Variants in SORCS1 observed in about 807,000 individuals in gnomAD.
SORCS1 encodes the protein VPS10 domain-containing receptor SorCS1.
In SORCS1, 60 loss-of-function variants were observed where a neutral mutation model predicts 146.1. That is an observed-to-expected ratio of 0.41 (90% CI 0.33 to 0.51). The LOEUF (loss-of-function observed/expected upper bound fraction) is 0.51, where lower values mean the gene tolerates loss of function less well. Among genes scored for constraint, SORCS1 ranks in the 20% least tolerant of loss-of-function variants. SORCS1 has a pLI of 0.21. For synonymous variants in SORCS1, 637 were observed against 584.0 expected (o/e 1.09, Z -1.31); for missense variants, 1,352 against 1,487.6 (o/e 0.91, Z 1.50).
In SORCS1 at chr10:106,955,854, G is replaced by A. The variant is rs145677419; in HGVS notation, c.626+659C>T. On this transcript the variant is annotated intron_variant, in intron 2 of 25. Transcript: ENST00000263054. ...AAATATACAAAAAAATTAGCCAGGC[G>A]TGGTGGCGCATGCCTGTAATCCCAC... is the stretch of plus-strand genomic sequence containing the variant. Among the ~76,000 whole-genome samples, 960 of 152,264 alleles carry A rather than the reference G, an allele frequency of 6.3e-3. 7 individuals carry two copies. Among genetic ancestry groups the A allele is most frequent in the African/African-American group, 0.022 (911 of 41,556 alleles).
intron 1 of SORCS1, among the ~76,000 whole-genome samples, chr10:107,068,522 C>T (rs1962121841): frequency 6.6e-6 from 1 of 152,112 alleles, no homozygotes; most frequent in South Asian, 2.1e-4. Flanking sequence ...TTACTTCAGG[C>T]ATAAGTCGGC....
At chr10:106,607,380 G>T in intron 22 of SORCS1, 83 bp from the exon 23 acceptor site, 5 of 1,553,244 alleles carry the variant, frequency 3.2e-6, no homozygotes, top group Non-Finnish European at 4.3e-6. Flanking sequence ...GGGGGATCAG[G>T]GGTAGGCAGA....
At chr10:107,032,197 A>G (rs1234248482) in intron 1 of SORCS1, among the ~76,000 whole-genome samples, 1 of 152,184 alleles carries the variant, frequency 6.6e-6, no homozygotes, top group Non-Finnish European at 1.5e-5. Context: ...GTAGACACAC[A>G]TGTCCATTAG....
At chr10:107,009,687 C>T (rs1264644775) in intron 1 of SORCS1, among the ~76,000 whole-genome samples, 6 of 152,160 alleles carry the variant, frequency 3.9e-5, no homozygotes, top group African/African-American at 1.4e-4. Flanking sequence ...GATTTAAAAA[C>T]ATATATATAA....
the SORCS1 span, among the ~76,000 whole-genome samples, chr10:107,178,321 A>G: frequency 0.059 from 9,029 of 152,010 alleles, 523 homozygotes; most frequent in East Asian, 0.3. Flanking sequence ...GATAACTATA[A>G]TTCTACTCTC....
At chr10:107,105,053 A>C (rs571804100) in intron 1 of SORCS1, among the ~76,000 whole-genome samples, 1 of 152,334 alleles carries the variant, frequency 6.6e-6, no homozygotes, top group African/African-American at 2.4e-5. Flanking sequence ...AGTGCACGAA[A>C]ATTGTAATAC....
chr10:106,584,469 C>G (rs1396865891), intron 24 of SORCS1, among the ~76,000 whole-genome samples: 1 of 152,184 alleles, frequency 6.6e-6, no homozygotes, highest in African/African-American at 2.4e-5. Context: ...AGTAAACAGT[C>G]ATATTCTAGG....
intron 18 of SORCS1, among the ~76,000 whole-genome samples, chr10:106,638,545 T>C (rs1211415042): frequency 6.6e-6 from 1 of 152,212 alleles, no homozygotes; most frequent in South Asian, 2.1e-4. Flanking sequence ...TGGACACAGA[T>C]ACCACCCCTA....
chr10:106,909,797 A>T (rs950369297), intron 2 of SORCS1, among the ~76,000 whole-genome samples: 1 of 152,142 alleles, frequency 6.6e-6, no homozygotes, highest in Admixed American at 6.5e-5. Flanking sequence ...CCTTTCCTCA[A>T]TATCTATGCA....
intron 1 of SORCS1, among the ~76,000 whole-genome samples, chr10:107,002,698 G>C (rs1445535736): frequency 3.3e-5 from 5 of 152,152 alleles, no homozygotes; most frequent in African/African-American, 1.2e-4. Context: ...TCCACACAGA[G>C]AATGTCGTAT....
Position 106,576,607 on chromosome 10 carries a change from G to T in SORCS1, c.*813C>A, listed in dbSNP as rs778290000. 4 of 152,188 alleles carry T rather than the reference G, an allele frequency of 2.6e-5. No homozygotes were observed. Among genetic ancestry groups the T allele is most frequent in the Admixed American group, 1.3e-4 (2 of 15,276 alleles). The allele number at this position is 152,188 out of a possible 1,614,324, so 9.4% of individuals were successfully genotyped here. On this transcript the variant is annotated 3_prime_UTR_variant, in exon 26 of 26. Transcript: ENST00000263054. ...CGTTTCTGACATGCTTTGCCTCCCT[G>T]CCTCCCTTCCTTCCTTATTCTACCG...
intron 3 of SORCS1, among the ~76,000 whole-genome samples, chr10:106,825,335 G>A (rs546965801): frequency 1.4e-5 from 2 of 147,232 alleles, no homozygotes; most frequent in Non-Finnish European, 1.5e-5. Context: ...GCAGTGGCGC[G>A]ATCTCAGCTC....
chr10:106,899,014 T>C (rs1951595576), intron 2 of SORCS1, among the ~76,000 whole-genome samples: 1 of 152,200 alleles, frequency 6.6e-6, no homozygotes, highest in African/African-American at 2.4e-5. Flanking sequence ...CCTTAGTGGT[T>C]TACCAGGTGG....
chr10:106,904,096 C>G (rs1342168669), intron 2 of SORCS1, among the ~76,000 whole-genome samples: 2 of 152,174 alleles, frequency 1.3e-5, no homozygotes, highest in Admixed American at 1.3e-4. Flanking sequence ...CTACTGAAAT[C>G]ATAGATATAA....
At chr10:106,644,667 C>G (rs1420328340) in intron 18 of SORCS1, among the ~76,000 whole-genome samples, 1 of 152,094 alleles carries the variant, frequency 6.6e-6, no homozygotes, top group Admixed American at 6.6e-5. Context: ...ACCCGGCCAC[C>G]ATGAATTATT....
intron 21 of SORCS1, among the ~76,000 whole-genome samples, chr10:106,616,605 C>T (rs369415335): frequency 2.2e-4 from 34 of 152,180 alleles, no homozygotes; most frequent in African/African-American, 7.5e-4. Flanking sequence ...TCGTACCTTG[C>T]TAATGGGACA....
intron 24 of SORCS1, among the ~76,000 whole-genome samples, chr10:106,581,090 T>A (rs969987815): frequency 5.9e-5 from 9 of 152,118 alleles, no homozygotes; most frequent in African/African-American, 2.2e-4. Context: ...GCAGAGAGGT[T>A]CAGAAATTCT....
chr10:106,741,181 G>A (rs1330154109), intron 5 of SORCS1, among the ~76,000 whole-genome samples: 1 of 152,108 alleles, frequency 6.6e-6, no homozygotes, highest in African/African-American at 2.4e-5. Context: ...TATCAAGGTT[G>A]GAATTACTAA....
intron 6 of SORCS1, among the ~76,000 whole-genome samples, chr10:106,716,490 T>C (rs1312471817): frequency 6.6e-6 from 1 of 152,220 alleles, no homozygotes; most frequent in East Asian, 1.9e-4. Context: ...ACCTGTTTCC[T>C]TCCCACTGCT....
Sources: gnomAD v4.1 joint callset for allele counts (sites outside exome capture counted in the v4.1 genomes callset) on GRCh38, gnomAD v4.1.1 for gene constraint, MANE v1.5 for transcripts, NCBI Gene and HGNC (gene_info 2026-07-23, HGNC 2026-07-21) for gene names.